Variants in USP48 observed in about 807,000 individuals in gnomAD.
USP48 encodes the protein ubiquitin specific peptidase 48.
USP48 carries 43 observed loss-of-function variants against 150.7 expected under a neutral mutation model. The ratio of observed to expected loss-of-function variants is 0.29; its 90% CI spans 0.22 to 0.37. The LOEUF is 0.37. Among genes scored for constraint, USP48 ranks in the 10% least tolerant of loss-of-function variants. USP48 has a pLI of 1.00. For synonymous variants in USP48, 396 were observed against 425.9 expected, an observed-to-expected ratio of 0.93 and a Z score of 0.86; for missense variants, 813 against 1,249.6, an observed-to-expected ratio of 0.65 and a Z score of 5.27.
chr1:21,723,859 A>G (rs749916054), intron 12 of USP48, 39 bp downstream of exon 12: 3 of 1,557,712 alleles, frequency 1.9e-6, no homozygotes, highest in East Asian at 4.5e-5. Flanking sequence ...AGATTTAATG[A>G]GCTGCTCTTT....
intron 10 of USP48, 84 bp from the exon 11 acceptor site, chr1:21,728,803 T>TC (rs2097747161): frequency 6.7e-6 from 10 of 1,485,896 alleles, no homozygotes; most frequent in Non-Finnish European, 9.1e-6. Context: ...TCATATCAAA[T>TC]ACTGATTAAA....
intron 6 of USP48, 26 bp downstream of exon 6, chr1:21,751,481 C>G: frequency 6.4e-7 from 1 of 1,553,512 alleles, no homozygotes. Context: ...TGGGCAGGAA[C>G]AATACATACA....
intron 24 of USP48, among the ~76,000 whole-genome samples, chr1:21,689,591 A>G (rs541504889): frequency 3.9e-5 from 6 of 152,234 alleles, no homozygotes; most frequent in Admixed American, 3.9e-4. Context: ...TGGGATTTAT[A>G]CCACTGCCCT....
At chr1:21,687,893 C>T (rs1193225054) in intron 24 of USP48, among the ~76,000 whole-genome samples, 1 of 152,168 alleles carries the variant, frequency 6.6e-6, no homozygotes, top group Non-Finnish European at 1.5e-5. Flanking sequence ...AGAACCTATA[C>T]TTCCAGGAAA....
intron 9 of USP48, among the ~76,000 whole-genome samples, chr1:21,732,230 G>A (rs1446862687): frequency 1.3e-5 from 2 of 151,844 alleles, no homozygotes; most frequent in Admixed American, 6.6e-5. Flanking sequence ...GGTGGGCCAA[G>A]ATAGCACCAC....
intron 1 of USP48, among the ~76,000 whole-genome samples, chr1:21,764,012 G>A (rs1441616920): frequency 6.6e-6 from 1 of 152,178 alleles, no homozygotes. Flanking sequence ...TCCCTCCTTA[G>A]GAGTAGGCCC....
chr1:21,680,952 T>C (rs1190070547), intron 25 of USP48, 118 bp from the exon 26 acceptor site: 3 of 712,448 alleles, frequency 4.2e-6, no homozygotes, highest in Admixed American at 3.4e-5. Flanking sequence ...CTTTGTCACC[T>C]GTAATAATCA....
intron 8 of USP48, among the ~76,000 whole-genome samples, chr1:21,739,126 G>A (rs537198577): frequency 1.4e-4 from 21 of 152,080 alleles, no homozygotes; most frequent in Non-Finnish European, 2.5e-4. Context: ...CTGTTTTTCC[G>A]TATCTCAAAG....
At chr1:21,767,640 C>CTT (rs765475508) in intron 1 of USP48, among the ~76,000 whole-genome samples, 2 of 143,924 alleles carry the variant, frequency 1.4e-5, no homozygotes, top group Non-Finnish European at 1.5e-5. Context: ...TTTTAGAGAG[C>CTT]TTTTTTTTTT....
At chr1:21,767,731 A>T (rs2097865823) in intron 1 of USP48, among the ~76,000 whole-genome samples, 2 of 152,256 alleles carry the variant, frequency 1.3e-5, no homozygotes, top group South Asian at 4.1e-4. Flanking sequence ...AAATCATTGA[A>T]GAAGGAAACT....
At chr1:21,752,773 G>T in intron 4 of USP48, 122 bp from the exon 5 acceptor site, 1 of 1,250,176 alleles carries the variant, frequency 8.0e-7, no homozygotes, top group Non-Finnish European at 1.1e-6. Flanking sequence ...TTCAAACAGG[G>T]GCTACAGCTA....
chr1:21,720,649 TC>T (rs374211169), intron 14 of USP48, among the ~76,000 whole-genome samples: 161 of 152,134 alleles, frequency 1.1e-3, no homozygotes, highest in African/African-American at 3.5e-3. Context: ...TGCCTCAGCC[TC>T]CCGAGTAGCT....
In USP48 at chr1:21,752,976, A is replaced by G; in HGVS notation, c.540+16T>C. On this transcript the variant is annotated intron_variant, in intron 4 of 26. Coordinates refer to ENST00000308271, the MANE Select transcript of USP48 (RefSeq NM_032236.8). ...ACCTCTGAATATTTAAAAAAAAAAA[A>G]AAATTCAGTTCTTACCTGCTGTTGT... 5 of 1,578,310 alleles carry G rather than the reference A, an allele frequency of 3.2e-6. No individual in the cohort carries two copies. The highest frequency in any genetic ancestry group is 4.3e-6 in the Non-Finnish European group (5 of 1,171,242).
At chr1:21,688,161 C>T (rs1318601502) in intron 24 of USP48, among the ~76,000 whole-genome samples, 1 of 152,128 alleles carries the variant, frequency 6.6e-6, no homozygotes, top group Admixed American at 6.5e-5. Context: ...CAATGGGAAG[C>T]GACTAAGTTA....
At position 21,761,645 on chromosome 1, in the gene USP48, T is replaced by C. The variant is rs138030680; in HGVS notation, c.135-3862A>G. Among the ~76,000 whole-genome samples the C allele has an allele frequency of 2.4e-4, 36 of 152,232 alleles. No individual in the cohort carries two copies. In the East Asian group the frequency reaches 6.4e-3, roughly 27 times the overall value. On this transcript the variant is annotated intron_variant, in intron 1 of 26. Coordinates refer to ENST00000308271, the MANE Select transcript of USP48 (RefSeq NM_032236.8). Reference sequence around the variant, plus strand: ...TGGCACATGCTTATAGTGCCAGCTATTCAGAAGGCTCAGGCAGAAGATGGC... The same window carrying C: ...TGGCACATGCTTATAGTGCCAGCTACTCAGAAGGCTCAGGCAGAAGATGGC...
Position 21,761,678 on chromosome 1 carries a change from T to C in USP48, c.135-3895A>G, listed in dbSNP as rs556791131. On this transcript the variant is annotated intron_variant, in intron 1 of 26. Transcript: ENST00000308271. Reference sequence around the variant, plus strand: ...GCTCAGGCAGAAGATGGCCTAAGCCTAGGAGTTGGAGGCTGCAATGAACTA... The same window carrying C: ...GCTCAGGCAGAAGATGGCCTAAGCCCAGGAGTTGGAGGCTGCAATGAACTA... Among the ~76,000 whole-genome samples, 12 of 152,270 alleles carry C rather than the reference T, an allele frequency of 7.9e-5. No individual in the cohort carries two copies. The South Asian group carries it at 2.5e-3, about 32-fold the overall frequency.
In USP48 at chr1:21,696,879, G is replaced by A. The variant is rs958925369; in HGVS notation, c.2728-1658C>T. ...TTTGCTTTTTGTACCAAAGGTGGTG[G>A]TGGTGGCCGGTGGGGGCGGTGGGGG... On this transcript the variant is annotated intron_variant, in intron 22 of 26. Transcript: ENST00000308271. Among the ~76,000 whole-genome samples the A allele has an allele frequency of 2.9e-5, 4 of 140,224 alleles. No individual in the cohort carries two copies. The East Asian group carries it at 8.4e-4, about 30-fold the overall frequency. The allele number at this position is 140,224 out of a possible 152,430, so 92.0% of individuals were successfully genotyped here. A position where few individuals can be genotyped will look rare whatever the true frequency, so the allele number is the denominator to read the frequency against.
At chr1:21,695,502 T>C (rs546239769) in intron 22 of USP48, among the ~76,000 whole-genome samples, 3 of 152,310 alleles carry the variant, frequency 2.0e-5, no homozygotes, top group African/African-American at 7.2e-5. Flanking sequence ...CTCCCACCTA[T>C]AATCCCAGGA....
chr1:21,712,753 C>A (rs1195196165), intron 15 of USP48, among the ~76,000 whole-genome samples: 1 of 151,656 alleles, frequency 6.6e-6, no homozygotes, highest in East Asian at 1.9e-4. Flanking sequence ...GTCAGCCTCC[C>A]GAGTAGGTGG....
Sources: allele counts gnomAD v4.1 joint callset (sites outside exome capture counted in the v4.1 genomes callset), GRCh38; gene constraint gnomAD v4.1.1; transcripts MANE v1.5; gene names NCBI Gene and HGNC (gene_info 2026-07-23, HGNC 2026-07-21).